Variants in ZNF283 observed in about 807,000 individuals in gnomAD.
The protein encoded by ZNF283 is zinc finger protein 41.
ZNF283 carries 10 observed loss-of-function variants against 9.2 expected under a neutral mutation model. That is an observed-to-expected ratio of 1.09 (90% confidence interval 0.67 to 1.85). The LOEUF is 1.85. ZNF283 is among the 40% of genes most tolerant of loss of function. The probability of loss-of-function intolerance (pLI) is 0.00; values close to 1 mark genes in which losing one functional copy is unlikely to be tolerated. For missense variants in ZNF283, 631 were observed against 760.1 expected (o/e 0.83, Z 2.00); for synonymous variants, 234 against 244.1 (o/e 0.96, Z 0.38).
Position 43,848,483 on chromosome 19 carries a change from C to A in ZNF283, c.1882C>A (p.Gln628Lys). 6.2e-7 allele frequency: 1 copy of A among 1,613,472 alleles called. No homozygotes were observed. Among genetic ancestry groups the A allele is most frequent in the Non-Finnish European group, 8.5e-7 (1 of 1,179,542 alleles). The change falls in exon 7 of 7, where the codon CAA (glutamine) becomes AAA (lysine). Residue 628 changes from glutamine (Q) to lysine (K), a missense_variant. Physicochemically the swap from Gln to Lys is moderately conservative, Grantham distance 53 (BLOSUM62 1). This residue lies in a region of ZNF283 where 444 missense variants were observed against 522.5 expected (regional missense o/e 0.85). Transcript: ENST00000618787. Reference sequence around the variant, plus strand: ...ATTTCATACTGGTGAGAAGCTTTATCAACGTAAGGAATTCGGGAAGACCTT... The same window carrying A: ...ATTTCATACTGGTGAGAAGCTTTATAAACGTAAGGAATTCGGGAAGACCTT... ...QRFHTGEKLYQRKEFGKTFTC... is the reference protein window; with the variant it reads ...QRFHTGEKLYKRKEFGKTFTC...
At chr19:43,832,695 A>G (rs920054168) in intron 3 of ZNF283, among the ~76,000 whole-genome samples, 7 of 152,184 alleles carry the variant, frequency 4.6e-5, no homozygotes, top group African/African-American at 1.4e-4. Flanking sequence ...GATAAGGGAC[A>G]GTAACATTCT....
chr19:43,840,363 G>A (rs72626212), intron 6 of ZNF283, among the ~76,000 whole-genome samples: 15,825 of 152,108 alleles, frequency 0.1, 920 homozygotes, highest in East Asian at 0.23. Context: ...CCACCAAACT[G>A]CACAACCCTG....
chr19:43,838,423 C>T (rs905997747), intron 6 of ZNF283, among the ~76,000 whole-genome samples: 6 of 152,186 alleles, frequency 3.9e-5, no homozygotes, highest in African/African-American at 1.4e-4. Flanking sequence ...GCCAGGAGTT[C>T]GAGACCAGCA....
intron 6 of ZNF283, among the ~76,000 whole-genome samples, chr19:43,845,780 T>G (rs1054802861): frequency 1.3e-5 from 2 of 152,162 alleles, no homozygotes; most frequent in African/African-American, 4.8e-5. Flanking sequence ...ATCATACTTA[T>G]GTCACTTTTT....
intron 6 of ZNF283, among the ~76,000 whole-genome samples, chr19:43,839,981 T>C (rs1367455468): frequency 6.6e-6 from 1 of 152,182 alleles, no homozygotes; most frequent in Non-Finnish European, 1.5e-5. Flanking sequence ...GTATGCTTTG[T>C]AATTTTTTTT....
intron 6 of ZNF283, among the ~76,000 whole-genome samples, chr19:43,845,164 T>C (rs973436813): frequency 4.6e-5 from 7 of 152,208 alleles, no homozygotes; most frequent in Admixed American, 4.6e-4. Flanking sequence ...GCCAAACTTC[T>C]CTTTTTATTG....
rs1971585765 is a variant in ZNF283, at chr19:43,850,723, G to A, written c.*2082G>A. 2.0e-5 allele frequency: 3 copies of A among 152,066 alleles called. No homozygotes were observed. Among genetic ancestry groups the A allele is most frequent in the Admixed American group, 2.0e-4 (3 of 15,264 alleles). 9.4% of individuals were successfully genotyped at this position (152,066 alleles called of 1,614,324 possible). A position where few individuals can be genotyped will look rare whatever the true frequency, so the allele number is the denominator to read the frequency against. ...ATTACAGGTGTGAGACACTGCGCCT[G>A]GCTATATTTTACTATTTGGAAATCA... On this transcript the variant is annotated 3_prime_UTR_variant, in exon 7 of 7. Coordinates refer to ENST00000618787, the MANE Select transcript of ZNF283 (RefSeq NM_181845.2).
At position 43,847,748 on chromosome 19, in the gene ZNF283, G is replaced by C. The variant is rs1330714608; in HGVS notation, c.1147G>C (p.Ala383Pro). 1 of 1,612,912 alleles carries C rather than the reference G, an allele frequency of 6.2e-7. No individual in the cohort carries two copies. The highest frequency in any genetic ancestry group is 1.7e-5 in the Admixed American group (1 of 59,902). Residue 383 changes from alanine to proline, a missense_variant, in exon 7 of 7, where the codon GCT (alanine) becomes CCT (proline). Around this residue, in one of 3 missense-constraint regions of ZNF283, gnomAD observed 444 missense variants for 522.5 expected, o/e 0.85. Coordinates refer to ENST00000618787, the MANE Select transcript of ZNF283 (RefSeq NM_181845.2). The stretch of plus-strand genomic sequence containing the variant: ...TTATGAATGTAAAATATGTGGAAAG[G>C]CTTTTTGTTGGGGCTATCAACTTAC... ...KPYECKICGK[A>P]FCWGYQLTRH...
rs377527273 is a variant in ZNF283 at position 43,841,963 on chromosome 19, T to C, written c.337+4784T>C. On this transcript the variant is annotated intron_variant, in intron 6 of 6. Coordinates refer to ENST00000618787, the MANE Select transcript of ZNF283 (RefSeq NM_181845.2). ...TAATCTGACTATAAAGTTCTAGATA[T>C]GGTTCCTTTACATTTATCATGCTTC... 2.2e-3 allele frequency among the ~76,000 whole-genome samples: 328 copies of C among 152,328 alleles called. 3 individuals carry two copies. Among genetic ancestry groups the C allele is most frequent in the African/African-American group, 7.5e-3 (311 of 41,582 alleles).
At chr19:43,846,811 G>T in intron 6 of ZNF283, 128 bp from the exon 7 acceptor site, 1 of 624,184 alleles carries the variant, frequency 1.6e-6, no homozygotes, top group Non-Finnish European at 2.5e-6. Context: ...TATTTAACAA[G>T]GGAGTGCCTT....
At chr19:43,842,614 A>G (rs1971258430) in intron 6 of ZNF283, among the ~76,000 whole-genome samples, 1 of 152,230 alleles carries the variant, frequency 6.6e-6, no homozygotes, top group African/African-American at 2.4e-5. Flanking sequence ...GTGGTTCTCA[A>G]ACTGTGGACT....
Position 43,848,588 on chromosome 19 carries a change from T to C in ZNF283, c.1987T>C (p.Phe663Leu). 1 of 1,586,534 alleles carries C rather than the reference T, an allele frequency of 6.3e-7. No individual in the cohort carries two copies. ...CAAATATAACGAATGTGGGGAAGCC[T>C]TTCTGTGGACAACTTACTCAAATGA... ...PYKYNECGEA[F>L]LWTTYSNEKI... The change falls in exon 7 of 7, where the codon TTT becomes CTT. Residue 663 changes from phenylalanine (F) to leucine (L), a missense_variant. By Grantham distance (22) the Phe-to-Leu change is conservative. This residue lies in a region of ZNF283 where 444 missense variants were observed against 522.5 expected (regional missense o/e 0.85). Transcript: ENST00000618787.
chr19:43,831,315 C>A lies in ZNF283; in HGVS notation c.-64-3C>A. The A allele has an allele frequency of 6.3e-7, 1 of 1,590,482 alleles. No individual in the cohort carries two copies. The highest frequency in any genetic ancestry group is 8.5e-7 in the Non-Finnish European group (1 of 1,174,980). On this transcript the variant is annotated splice_region_variant and splice_polypyrimidine_tract_variant and intron_variant, in intron 2 of 6. Coordinates refer to ENST00000618787, the MANE Select transcript of ZNF283 (RefSeq NM_181845.2). ...GGTTTATCTCATTTGTGTTGATTTACAGGAGAATCTTGACAGTGAATGTGT... is the reference window on the plus strand; with the variant it reads ...GGTTTATCTCATTTGTGTTGATTTAAAGGAGAATCTTGACAGTGAATGTGT...
At chr19:43,845,571 G>T (rs1009886862) in intron 6 of ZNF283, among the ~76,000 whole-genome samples, 2 of 152,102 alleles carry the variant, frequency 1.3e-5, no homozygotes, top group Non-Finnish European at 2.9e-5. Context: ...TAGTTTAGAT[G>T]TGTAGTATAA....
chr19:43,835,946 G>A (rs1970961104), intron 5 of ZNF283, among the ~76,000 whole-genome samples: 1 of 152,166 alleles, frequency 6.6e-6, no homozygotes, highest in African/African-American at 2.4e-5. Context: ...TGACATTTGT[G>A]TCATGTGCAA....
chr19:43,846,892 T>TTTA, intron 6 of ZNF283, 47 bp from the exon 7 acceptor site: 6 of 1,192,312 alleles, frequency 5.0e-6, no homozygotes, highest in East Asian at 3.0e-5. Context: ...TTTTTTTTTT[T>TTTA]CCCTAGTGAA....
In ZNF283 at chr19:43,851,365, C is replaced by T. The variant is rs1909; in HGVS notation, c.*2724C>T. 61,250 of 151,018 alleles carry T rather than the reference C, an allele frequency of 0.41. 12,832 individuals carry two copies. The highest frequency in any genetic ancestry group is 0.55 in the South Asian group (2,633 of 4,784). The allele number at this position is 151,018 out of a possible 1,614,324, so 9.4% of individuals were successfully genotyped here. ...AAAGTAGCATCTACTAAATCCCCTC[C>T]TAAGGAACAAGCAAAAGCACCTCAC... On this transcript the variant is annotated 3_prime_UTR_variant, in exon 7 of 7. Transcript: ENST00000618787.
intron 6 of ZNF283, among the ~76,000 whole-genome samples, chr19:43,845,578 A>G (rs890878547): frequency 6.6e-6 from 1 of 152,156 alleles, no homozygotes; most frequent in East Asian, 1.9e-4. Flanking sequence ...GATGTGTAGT[A>G]TAAGGTAGCT....
At chr19:43,837,242 G>C in intron 6 of ZNF283, 63 bp downstream of exon 6, 1 of 1,467,944 alleles carries the variant, frequency 6.8e-7, no homozygotes, top group Non-Finnish European at 9.2e-7. Flanking sequence ...TTCTGCACTG[G>C]AAATTACAGG....
Sources: gnomAD v4.1 joint callset for allele counts (sites outside exome capture counted in the v4.1 genomes callset) on GRCh38, gnomAD v4.1.1 for gene constraint, gnomAD v4.1.1 regional missense constraint, MANE v1.5 for transcripts, NCBI Gene and HGNC (gene_info 2026-07-23, HGNC 2026-07-21) for gene names.